PARD3: variants seen among roughly 807,000 people sequenced by gnomAD.
PARD3 encodes the protein par-3 family cell polarity regulator, also known as partitioning defective 3 homolog.
Under a neutral mutation model 155.4 loss-of-function variants are expected in PARD3, and 75 were observed. The observed-to-expected ratio is 0.48, with a 90% CI of 0.40 to 0.58. PARD3 has a LOEUF of 0.58. Ranked by LOEUF, PARD3 falls within the 20% of genes least tolerant of loss-of-function variation. The pLI is 0.00. For synonymous variants in PARD3, 576 were observed against 610.5 expected, an observed-to-expected ratio of 0.94 and a Z score of 0.83; for missense variants, 1,642 against 1,721.7, an observed-to-expected ratio of 0.95 and a Z score of 0.82.
intron 4 of PARD3, among the ~76,000 whole-genome samples, chr10:34,456,825 A>G (rs955982471): frequency 9.2e-5 from 14 of 152,176 alleles, no homozygotes; most frequent in Admixed American, 9.2e-4. Context: ...ATCATTCTTC[A>G]CATTTGATAA....
chr10:34,235,658 C>A (rs1953185068), intron 22 of PARD3, among the ~76,000 whole-genome samples: 1 of 152,140 alleles, frequency 6.6e-6, no homozygotes, highest in African/African-American at 2.4e-5. Context: ...ATGTGACTGG[C>A]ATGAAATTGG....
At chr10:34,294,650 C>G (rs1439100673) in intron 20 of PARD3, among the ~76,000 whole-genome samples, 2 of 152,146 alleles carry the variant, frequency 1.3e-5, no homozygotes, top group Non-Finnish European at 2.9e-5. Context: ...TTCGCATATT[C>G]AGATTCTACA....
intron 5 of PARD3, among the ~76,000 whole-genome samples, chr10:34,405,656 A>G (rs1844387860): frequency 6.6e-6 from 1 of 152,226 alleles, no homozygotes; most frequent in African/African-American, 2.4e-5. Flanking sequence ...GATTTTTACA[A>G]TACCTGAAAG....
chr10:34,696,846 T>A (rs1251844556), intron 1 of PARD3, among the ~76,000 whole-genome samples: 1 of 152,044 alleles, frequency 6.6e-6, no homozygotes, highest in African/African-American at 2.4e-5. Flanking sequence ...TATTTTTGCT[T>A]ATCTGCAAAA....
At chr10:34,382,977 T>C in intron 8 of PARD3, 55 bp from the exon 9 acceptor site, 2 of 1,565,738 alleles carry the variant, frequency 1.3e-6, no homozygotes, top group African/African-American at 1.4e-5. Flanking sequence ...GACTAGAAGA[T>C]ATTATGAGCT....
At chr10:34,134,401 G>A (rs529162566) in intron 22 of PARD3, among the ~76,000 whole-genome samples, 2 of 152,318 alleles carry the variant, frequency 1.3e-5, no homozygotes, top group African/African-American at 4.8e-5. Flanking sequence ...ATGCAGCACA[G>A]AGAGTTTTAA....
At chr10:34,479,000 T>C (rs1478501232) in intron 3 of PARD3, among the ~76,000 whole-genome samples, 1 of 152,144 alleles carries the variant, frequency 6.6e-6, no homozygotes, top group South Asian at 2.1e-4. Context: ...CTGAATAAGA[T>C]TGTATACATT....
At chr10:34,290,221 C>T (rs1956610049) in intron 20 of PARD3, among the ~76,000 whole-genome samples, 1 of 152,022 alleles carries the variant, frequency 6.6e-6, no homozygotes, top group Non-Finnish European at 1.5e-5. Flanking sequence ...TTCCTAATAC[C>T]ATACTTTGAA....
intron 12 of PARD3, among the ~76,000 whole-genome samples, chr10:34,370,428 T>C (rs1182371245): frequency 3.9e-5 from 6 of 152,206 alleles, no homozygotes; most frequent in African/African-American, 1.2e-4. Flanking sequence ...ACTGACTACA[T>C]GTTTTTTATT....
intron 1 of PARD3, among the ~76,000 whole-genome samples, chr10:34,770,399 C>T (rs548913143): frequency 5.5e-5 from 8 of 145,356 alleles, no homozygotes; most frequent in Middle Eastern, 3.4e-3. Context: ...AGCCTGTAAA[C>T]GCCTTGAGGG....
chr10:34,492,794 A>G (rs2080004737), intron 3 of PARD3, among the ~76,000 whole-genome samples: 1 of 152,220 alleles, frequency 6.6e-6, no homozygotes, highest in African/African-American at 2.4e-5. Flanking sequence ...TTTTCTTCCA[A>G]AGAATCTTTT....
At chr10:34,407,225 G>A (rs1358194839) in intron 5 of PARD3, among the ~76,000 whole-genome samples, 3 of 152,064 alleles carry the variant, frequency 2.0e-5, no homozygotes, top group African/African-American at 4.8e-5. Context: ...GGGCTTCTCC[G>A]GTCTAACTAA....
At chr10:34,374,263 T>C (rs1465043026) in intron 11 of PARD3, among the ~76,000 whole-genome samples, 1 of 152,182 alleles carries the variant, frequency 6.6e-6, no homozygotes, top group Admixed American at 6.5e-5. Context: ...AATGTATGTA[T>C]GGAAAGTGAA....
chr10:34,737,268 C>G (rs2094933056), intron 1 of PARD3, among the ~76,000 whole-genome samples: 1 of 152,168 alleles, frequency 6.6e-6, no homozygotes, highest in East Asian at 1.9e-4. Context: ...TCAACAGGAG[C>G]CAAGGGTTAT....
intron 5 of PARD3, among the ~76,000 whole-genome samples, chr10:34,406,489 C>T (rs528454132): frequency 6.6e-5 from 10 of 152,272 alleles, no homozygotes; most frequent in African/African-American, 2.4e-4. Context: ...CTAGTAAGTA[C>T]ATCTCCATGA....
At chr10:34,377,404 A>G (rs1841357597) in intron 10 of PARD3, among the ~76,000 whole-genome samples, 1 of 152,164 alleles carries the variant, frequency 6.6e-6, no homozygotes, top group Admixed American at 6.5e-5. Context: ...AGCCTGGCCA[A>G]TGTGGTGAAA....
intron 18 of PARD3, among the ~76,000 whole-genome samples, chr10:34,331,940 G>C (rs1481317008): frequency 6.6e-6 from 1 of 152,106 alleles, no homozygotes; most frequent in Non-Finnish European, 1.5e-5. Context: ...CCAACCCTGG[G>C]AAATATGGAT....
chr10:34,280,256 A>G (rs1484162626), intron 21 of PARD3, among the ~76,000 whole-genome samples: 1 of 152,246 alleles, frequency 6.6e-6, no homozygotes, highest in Admixed American at 6.5e-5. Flanking sequence ...CTAAGAATGC[A>G]TAAAAATGCA....
intron 21 of PARD3, among the ~76,000 whole-genome samples, chr10:34,273,015 T>C (rs948871460): frequency 3.3e-5 from 5 of 152,080 alleles, no homozygotes; most frequent in African/African-American, 9.7e-5. Flanking sequence ...TATATTGCAG[T>C]TGGAAATTTA....
Sources: gnomAD v4.1 joint callset for allele counts (sites outside exome capture counted in the v4.1 genomes callset) on GRCh38, gnomAD v4.1.1 for gene constraint, MANE v1.5 for transcripts, NCBI Gene and HGNC (gene_info 2026-07-23, HGNC 2026-07-21) for gene names.